ROR1: variants seen among roughly 807,000 people sequenced by gnomAD.
ROR1 encodes ROR family WNT receptor 1.
ROR1 carries 19 observed loss-of-function variants against 78.8 expected under a neutral mutation model. The ratio of observed to expected loss-of-function variants is 0.24; its 90% confidence interval spans 0.17 to 0.35. ROR1 has a LOEUF of 0.35. Among genes scored for constraint, ROR1 ranks in the 10% least tolerant of loss-of-function variants. The pLI is 1.00. For synonymous variants in ROR1, 386 were observed against 433.6 expected (o/e 0.89, Z 1.36); for missense variants, 917 against 1,177.8 (o/e 0.78, Z 3.24).
At chr1:63,987,676 C>T (rs942415813) in intron 1 of ROR1, among the ~76,000 whole-genome samples, 1 of 152,180 alleles carries the variant, frequency 6.6e-6, no homozygotes, top group East Asian at 1.9e-4. Context: ...ACAACATTCT[C>T]TTTGCATTAT....
In ROR1 at chr1:64,178,560, G is replaced by T. The variant is rs1262878818; in HGVS notation, c.2519G>T (p.Gly840Val). The T allele has an allele frequency of 5.0e-6, 8 of 1,614,088 alleles. No homozygotes were observed. The highest frequency in any genetic ancestry group is 6.8e-6 in the Non-Finnish European group (8 of 1,180,020). The change falls in exon 9 of 9, where the codon GGT becomes GTT. Residue 840 changes from glycine to valine, a missense_variant. By Grantham distance (109) the Gly-to-Val change is moderately radical (BLOSUM62 -3). Transcript: ENST00000371079. This position sits in a 1 kb window ranked among gnomAD's most constrained non-coding sequence, Gnocchi z 4.3. ...CCAGCTGCCCACTACCAGCCAACAG[G>T]TCCTCCCAGAGTGATTCAGCACTGC... Reference protein sequence around the residue: ...AFPAAHYQPTGPPRVIQHCPP... With the variant: ...AFPAAHYQPTVPPRVIQHCPP...
chr1:64,085,355 G>A (rs890316903), intron 4 of ROR1, among the ~76,000 whole-genome samples: 2 of 152,216 alleles, frequency 1.3e-5, no homozygotes, highest in African/African-American at 2.4e-5. Context: ...TGGCTCGTGC[G>A]TTGGGTGCTA....
In ROR1 at chr1:64,140,127, G is replaced by T; in HGVS notation, c.629G>T (p.Gly210Val). 6.2e-7 allele frequency: 1 copy of T among 1,611,778 alleles called. No homozygotes were observed. The highest frequency in any genetic ancestry group is 8.5e-7 in the Non-Finnish European group (1 of 1,178,118). Residue 210 changes from glycine to valine, a missense_variant, in exon 6 of 9, where the codon GGC becomes GTC. Around this residue, in one of 3 missense-constraint regions of ROR1, gnomAD observed 835 missense variants for 1,069.8 expected, o/e 0.78. Coordinates refer to ENST00000371079, the MANE Select transcript of ROR1 (RefSeq NM_005012.4). Reference sequence around the variant, plus strand: ...TTTCCAGCTGCCTTCACTATGATTGGCACTTCCAGTCACTTATCTGATAAG... The same window carrying T: ...TTTCCAGCTGCCTTCACTATGATTGTCACTTCCAGTCACTTATCTGATAAG... ...NQITAAFTMIGTSSHLSDKCS... is the reference protein window; with the variant it reads ...NQITAAFTMIVTSSHLSDKCS...
Position 64,128,323 on chromosome 1 carries a change from G to A in ROR1, c.483-9046G>A, listed in dbSNP as rs117963492. ...AAAAAAAAAAAAAGTAAAAAAACTA[G>A]CCAAGCATGGTGGCACAAGCCTGTA... On this transcript the variant is annotated intron_variant, in intron 4 of 8. Coordinates refer to ENST00000371079, the MANE Select transcript of ROR1 (RefSeq NM_005012.4). 6.8e-3 allele frequency among the ~76,000 whole-genome samples: 1,007 copies of A among 147,558 alleles called. 31 individuals are homozygous for A. The highest frequency in any genetic ancestry group is 0.047 in the Admixed American group (688 of 14,762).
chr1:64,148,899 C>A (rs1417206615), intron 7 of ROR1, among the ~76,000 whole-genome samples: 1 of 152,186 alleles, frequency 6.6e-6, no homozygotes, highest in African/African-American at 2.4e-5. Flanking sequence ...ATTATTTATT[C>A]ATTCACTCAC....
At chr1:64,022,193 A>C (rs1646570641) in intron 2 of ROR1, among the ~76,000 whole-genome samples, 1 of 152,208 alleles carries the variant, frequency 6.6e-6, no homozygotes, top group South Asian at 2.1e-4. Context: ...AGAAGAGGTA[A>C]ATGCATAGAG....
At chr1:63,903,985 G>A (rs1274943655) in intron 1 of ROR1, among the ~76,000 whole-genome samples, 1 of 152,138 alleles carries the variant, frequency 6.6e-6, no homozygotes, top group Non-Finnish European at 1.5e-5. Context: ...GGCTGCATTT[G>A]AGCAGAGTCT....
At chr1:64,108,430 A>G (rs1647929958) in intron 4 of ROR1, 1 of 112,294 alleles carries the variant, frequency 8.9e-6, no homozygotes, top group African/African-American at 3.2e-5. Context: ...AAAAAAAAAA[A>G]AAATCACTGT....
At chr1:63,896,385 A>G (rs1485289615) in intron 1 of ROR1, among the ~76,000 whole-genome samples, 1 of 152,146 alleles carries the variant, frequency 6.6e-6, no homozygotes, top group Non-Finnish European at 1.5e-5. Flanking sequence ...ATCTGTGTTC[A>G]GTAACTTGAA....
chr1:63,980,907 G>A (rs1385851893), intron 1 of ROR1, among the ~76,000 whole-genome samples: 1 of 152,234 alleles, frequency 6.6e-6, no homozygotes, highest in Non-Finnish European at 1.5e-5. Flanking sequence ...TGCAGGCTAA[G>A]TTTTCAGGAG....
At chr1:63,869,341 T>C (rs899274256) in intron 1 of ROR1, among the ~76,000 whole-genome samples, 3 of 152,216 alleles carry the variant, frequency 2.0e-5, no homozygotes, top group African/African-American at 7.2e-5. Flanking sequence ...CTGAATATAC[T>C]GGTATCAGCC....
chr1:64,015,605 G>C (rs834482), intron 2 of ROR1, among the ~76,000 whole-genome samples: 2 of 151,836 alleles, frequency 1.3e-5, no homozygotes, highest in Non-Finnish European at 2.9e-5. Flanking sequence ...TGACTGAGTC[G>C]TTTTCTTGTG....
intron 4 of ROR1, among the ~76,000 whole-genome samples, chr1:64,084,119 A>G (rs1028658559): frequency 5.3e-5 from 8 of 152,222 alleles, no homozygotes; most frequent in African/African-American, 1.9e-4. Flanking sequence ...GTAATTATCA[A>G]CAATCATAGA....
chr1:63,918,704 G>A (rs767140212), intron 1 of ROR1, among the ~76,000 whole-genome samples: 15 of 152,096 alleles, frequency 9.9e-5, no homozygotes, highest in South Asian at 2.1e-4. Context: ...CCTCTGAGAC[G>A]TCAGTGGTGC....
At chr1:64,148,888 A>C (rs187535672) in intron 7 of ROR1, among the ~76,000 whole-genome samples, 8,954 of 151,900 alleles carry the variant, frequency 0.059, 684 homozygotes, top group African/African-American at 0.18. Context: ...TAGAATTACT[A>C]ATTATTTATT....
At chr1:63,800,421 G>C (rs1308130386) in intron 1 of ROR1, among the ~76,000 whole-genome samples, 2 of 152,190 alleles carry the variant, frequency 1.3e-5, no homozygotes, top group Non-Finnish European at 2.9e-5. Context: ...GCCTGACACA[G>C]AGCAGGCCCT....
At chr1:63,800,029 C>T (rs144853442) in intron 1 of ROR1, among the ~76,000 whole-genome samples, 285 of 152,268 alleles carry the variant, frequency 1.9e-3, no homozygotes, top group African/African-American at 6.2e-3. Flanking sequence ...CCCCTAGTAA[C>T]GAAGGCAGGC....
intron 2 of ROR1, among the ~76,000 whole-genome samples, chr1:64,017,741 A>G (rs545767569): frequency 6.6e-6 from 1 of 152,280 alleles, no homozygotes; most frequent in African/African-American, 2.4e-5. Flanking sequence ...TGTGAGCAGC[A>G]TAGAACCCCA....
chr1:63,871,013 C>T (rs768276959), intron 1 of ROR1, among the ~76,000 whole-genome samples: 2 of 152,198 alleles, frequency 1.3e-5, no homozygotes, highest in African/African-American at 2.4e-5. Flanking sequence ...CATTGCCCAC[C>T]TCACTTGGTT....
Sources: allele counts gnomAD v4.1 joint callset (sites outside exome capture counted in the v4.1 genomes callset), GRCh38; gene constraint gnomAD v4.1.1; regional missense constraint gnomAD v4.1.1; non-coding constraint Gnocchi (gnomAD v3.1); transcripts MANE v1.5; gene names NCBI Gene and HGNC (gene_info 2026-07-23, HGNC 2026-07-21).